The following EYS variants were observed in gnomAD, a reference collection of about 807,000 sequenced individuals.
EYS encodes the protein protein eyes shut homolog.
In EYS, 250 loss-of-function variants were observed where a neutral mutation model predicts 282.1. The observed-to-expected ratio is 0.89, with a 90% confidence interval of 0.80 to 0.98. EYS has a LOEUF of 0.98. EYS is among the 50% of genes least tolerant of loss of function. EYS has a pLI of 0.00. For missense variants in EYS, 4,016 were observed against 3,709.0 expected, an observed-to-expected ratio of 1.08 and a Z score of -2.15; for synonymous variants, 1,355 against 1,282.9, an observed-to-expected ratio of 1.06 and a Z score of -1.20.
intron 22 of EYS, among the ~76,000 whole-genome samples, chr6:64,643,112 T>C (rs1411316720): frequency 6.8e-4 from 98 of 143,682 alleles, no homozygotes; most frequent in Middle Eastern, 7.2e-3. Context: ...TGAAACTCCA[T>C]CCCCCCCCCC....
chr6:65,435,577 C>T (rs932707032), intron 5 of EYS, among the ~76,000 whole-genome samples: 3 of 151,886 alleles, frequency 2.0e-5, no homozygotes, highest in African/African-American at 7.2e-5. Context: ...GGGTGAAGGG[C>T]CCATGGAATC....
intron 26 of EYS, among the ~76,000 whole-genome samples, chr6:64,464,589 C>T (rs1043257106): frequency 6.6e-6 from 1 of 152,162 alleles, no homozygotes; most frequent in South Asian, 2.1e-4. Context: ...ACAAATTCAG[C>T]AAATTTGCAA....
At chr6:64,550,886 T>C (rs1582884332) in intron 26 of EYS, among the ~76,000 whole-genome samples, 1 of 152,076 alleles carries the variant, frequency 6.6e-6, no homozygotes, top group Non-Finnish European at 1.5e-5. Flanking sequence ...ATAAAATACC[T>C]AGGAATCCAA....
At chr6:65,349,474 A>G (rs1179021681) in intron 9 of EYS, among the ~76,000 whole-genome samples, 2 of 151,568 alleles carry the variant, frequency 1.3e-5, no homozygotes, top group East Asian at 3.9e-4. Flanking sequence ...TATGTCCAGT[A>G]TAATATAAGT....
chr6:65,115,898 A>G (rs377000634), intron 12 of EYS, among the ~76,000 whole-genome samples: 1 of 152,064 alleles, frequency 6.6e-6, no homozygotes, highest in Non-Finnish European at 1.5e-5. Context: ...CCAACATTAT[A>G]CTTCATAACA....
chr6:63,826,845 C>CAAAAAAAAAAAAAAAAAAAAAAAAA (rs59957107), intron 36 of EYS, among the ~76,000 whole-genome samples: 13 of 76,742 alleles, frequency 1.7e-4, no homozygotes, highest in Middle Eastern at 9.3e-3. Flanking sequence ...AGTTAAAAAG[C>CAAAAAAAAAAAAAAAAAAAAAAAAA]AAAAAAAAAA....
At chr6:65,188,498 G>A (rs953762429) in intron 12 of EYS, among the ~76,000 whole-genome samples, 1 of 151,434 alleles carries the variant, frequency 6.6e-6, no homozygotes, top group Admixed American at 6.6e-5. Flanking sequence ...TTTACAATAT[G>A]TCTCAGTGGT....
At position 65,296,065 on chromosome 6, in the gene EYS, A is replaced by G. The variant is rs768943174; in HGVS notation, c.1821T>C (p.Tyr607=). ...CTGATATACTGTGGTTCCCTAAGCA[A>G]TAGTCAACATTGACAACACACAATC... ...IGRLCVVNVD[Y]CLGNHSISVH... is the part of the protein sequence containing the mutation. Residue 607 remains tyrosine (Y), a synonymous_variant, in exon 12 of 43, where the codon TAT becomes TAC. Transcript: ENST00000503581. 2.6e-6 allele frequency: 4 copies of G among 1,550,694 alleles called. No homozygotes were observed. Among genetic ancestry groups the G allele is most frequent in the Non-Finnish European group, 3.5e-6 (4 of 1,146,308 alleles).
At chr6:65,371,973 A>ACT (rs1765170091) in intron 8 of EYS, among the ~76,000 whole-genome samples, 1 of 142,782 alleles carries the variant, frequency 7.0e-6, no homozygotes, top group Non-Finnish European at 1.5e-5. Flanking sequence ...TACATAAGTC[A>ACT]CTCTTGTTGA....
Position 64,892,884 on chromosome 6 carries a change from C to T in EYS, c.2847-6042G>A, listed in dbSNP as rs375054419. ...TGGTTAAATGCATATTAACCAATCA[C>T]TTTTAAATTTGTAACAGTGAAGAAT... On this transcript the variant is annotated intron_variant, in intron 18 of 42. Coordinates refer to ENST00000503581, the MANE Select transcript of EYS (RefSeq NM_001142800.2). Among the ~76,000 whole-genome samples, 9 of 152,140 alleles carry T rather than the reference C, an allele frequency of 5.9e-5. No homozygotes were observed. In the East Asian group the frequency reaches 1.7e-3, roughly 29 times the overall value.
At chr6:65,334,857 T>C (rs1372122999) in intron 11 of EYS, 123 bp downstream of exon 11, 12 of 823,680 alleles carry the variant, frequency 1.5e-5, no homozygotes, top group Non-Finnish European at 2.4e-5. Context: ...TAAGTGTTTG[T>C]TATGGAAATT....
chr6:65,392,273 T>C (rs1766072009), intron 7 of EYS, among the ~76,000 whole-genome samples: 1 of 151,800 alleles, frequency 6.6e-6, no homozygotes, highest in African/African-American at 2.4e-5. Flanking sequence ...AAGGACTTCA[T>C]GTCTAAAACA....
At chr6:65,240,055 G>A (rs1012885429) in intron 12 of EYS, among the ~76,000 whole-genome samples, 3 of 150,754 alleles carry the variant, frequency 2.0e-5, no homozygotes, top group Admixed American at 6.6e-5. Context: ...TGCAACCTCT[G>A]CCTCCTGGGT....
At chr6:64,303,209 C>T (rs1769297075) in intron 30 of EYS, among the ~76,000 whole-genome samples, 1 of 152,156 alleles carries the variant, frequency 6.6e-6, no homozygotes, top group Admixed American at 6.5e-5. Flanking sequence ...ACTGCTTGGC[C>T]AAGAGAGATT....
chr6:65,034,487 A>G (rs1214375289), intron 13 of EYS, among the ~76,000 whole-genome samples: 1 of 152,030 alleles, frequency 6.6e-6, no homozygotes, highest in East Asian at 1.9e-4. Context: ...CAGATCCCTC[A>G]TGGCTTGTTT....
chr6:65,122,326 C>T (rs1775579281), intron 12 of EYS, among the ~76,000 whole-genome samples: 2 of 152,076 alleles, frequency 1.3e-5, no homozygotes, highest in South Asian at 4.1e-4. Flanking sequence ...ATACATATCA[C>T]CCCACTTGTT....
At chr6:64,345,303 C>T (rs943892433) in intron 29 of EYS, among the ~76,000 whole-genome samples, 1 of 152,142 alleles carries the variant, frequency 6.6e-6, no homozygotes, top group African/African-American at 2.4e-5. Flanking sequence ...TCAAACTATA[C>T]TATGAGGCTA....
At chr6:65,675,662 C>A (rs553651624) in intron 1 of EYS, among the ~76,000 whole-genome samples, 1 of 151,856 alleles carries the variant, frequency 6.6e-6, no homozygotes, top group South Asian at 2.1e-4. Context: ...CAGGAAATCC[C>A]ACACTCCCCT....
intron 31 of EYS, among the ~76,000 whole-genome samples, chr6:64,169,803 A>G (rs1764420931): frequency 6.6e-6 from 1 of 152,058 alleles, no homozygotes; most frequent in Non-Finnish European, 1.5e-5. Context: ...CATGGTAGAG[A>G]AAGGTGGAAA....
Sources: gnomAD v4.1 joint callset for allele counts (sites outside exome capture counted in the v4.1 genomes callset) on GRCh38, gnomAD v4.1.1 for gene constraint, MANE v1.5 for transcripts, NCBI Gene and HGNC (gene_info 2026-07-23, HGNC 2026-07-21) for gene names.